CSMD1: variants seen among roughly 807,000 people sequenced by gnomAD.
CSMD1 encodes the protein CUB and Sushi multiple domains 1, also known as CUB and sushi domain-containing protein 1.
Under a neutral mutation model 417.5 loss-of-function variants are expected in CSMD1, and 213 were observed. The ratio of observed to expected loss-of-function variants is 0.51; its 90% CI spans 0.46 to 0.57. CSMD1 has a LOEUF of 0.57. Ranked by LOEUF, CSMD1 falls within the 20% of genes least tolerant of loss-of-function variation. The pLI is 0.00. For missense variants in CSMD1, 6,923 were observed against 4,529.7 expected, an observed-to-expected ratio of 1.53 and a Z score of -15.17; for synonymous variants, 2,862 against 1,736.8, an observed-to-expected ratio of 1.65 and a Z score of -16.11.
chr8:3,536,651 G>C (rs1443600350), intron 10 of CSMD1, among the ~76,000 whole-genome samples: 1 of 152,178 alleles, frequency 6.6e-6, no homozygotes, highest in South Asian at 2.1e-4. Context: ...CTACCATCTA[G>C]TGGCAGTGGT....
intron 2 of CSMD1, among the ~76,000 whole-genome samples, chr8:4,570,401 T>G (rs1798827791): frequency 6.6e-6 from 1 of 152,226 alleles, no homozygotes; most frequent in African/African-American, 2.4e-5. Context: ...ATCATGTGGC[T>G]TTTGTCACTG....
At chr8:3,442,923 G>T (rs959345005) in intron 12 of CSMD1, among the ~76,000 whole-genome samples, 4 of 152,024 alleles carry the variant, frequency 2.6e-5, no homozygotes, top group African/African-American at 9.7e-5. Flanking sequence ...TATTTTCTGA[G>T]TATGTGTAGA....
intron 7 of CSMD1, among the ~76,000 whole-genome samples, chr8:3,676,603 T>C (rs1799386657): frequency 6.6e-6 from 1 of 152,196 alleles, no homozygotes; most frequent in African/African-American, 2.4e-5. Context: ...AAACTTTTCC[T>C]AAGAAGGTTG....
At chr8:4,497,365 C>G (rs1802031095) in intron 2 of CSMD1, among the ~76,000 whole-genome samples, 1 of 152,114 alleles carries the variant, frequency 6.6e-6, no homozygotes, top group African/African-American at 2.4e-5. Flanking sequence ...CCTGGCACTA[C>G]AAAAAAATCA....
intron 27 of CSMD1, among the ~76,000 whole-genome samples, chr8:3,226,953 C>A (rs1402708725): frequency 6.6e-6 from 1 of 151,880 alleles, no homozygotes; most frequent in African/African-American, 2.4e-5. Context: ...AAAAGTTCGA[C>A]CTTATTATTA....
chr8:4,067,684 C>A (rs138718845), intron 3 of CSMD1, among the ~76,000 whole-genome samples: 134 of 152,216 alleles, frequency 8.8e-4, no homozygotes, highest in African/African-American at 3.0e-3. Flanking sequence ...CTAACTTGTC[C>A]TGTGGAATAT....
intron 15 of CSMD1, among the ~76,000 whole-genome samples, chr8:3,400,860 G>C (rs175094): frequency 0.023 from 3,457 of 151,028 alleles, 111 homozygotes; most frequent in South Asian, 0.13. Flanking sequence ...TTATACCTAT[G>C]CATTATTCTG....
chr8:3,308,645 G>T (rs1350146153), intron 23 of CSMD1, 142 bp from the exon 24 acceptor site: 2 of 608,410 alleles, frequency 3.3e-6, no homozygotes, highest in Admixed American at 2.8e-5. Flanking sequence ...AAGGGGAAAA[G>T]AAAGATGGGT....
chr8:4,972,615 T>C (rs934253809), intron 1 of CSMD1, among the ~76,000 whole-genome samples: 6 of 152,152 alleles, frequency 3.9e-5, no homozygotes, highest in African/African-American at 1.4e-4. Context: ...CAGTTCTTTA[T>C]AGCAGTATGA....
chr8:4,005,072 G>A (rs367633534), intron 4 of CSMD1, among the ~76,000 whole-genome samples: 27 of 152,142 alleles, frequency 1.8e-4, no homozygotes, highest in African/African-American at 6.3e-4. Flanking sequence ...TCACTGATGT[G>A]TGGGAGCCAA....
chr8:4,850,386 T>A (rs1316089716), intron 1 of CSMD1, among the ~76,000 whole-genome samples: 4 of 147,328 alleles, frequency 2.7e-5, no homozygotes, highest in Non-Finnish European at 6.0e-5. Context: ...ATTTATCTTT[T>A]TTTTTTTTTT....
At chr8:3,590,987 C>G (rs574507218) in intron 8 of CSMD1, among the ~76,000 whole-genome samples, 127 of 152,234 alleles carry the variant, frequency 8.3e-4, no homozygotes, top group African/African-American at 2.9e-3. Flanking sequence ...ATCAGATAAT[C>G]TAACTTGGTT....
At chr8:4,165,190 T>A (rs182840557) in intron 3 of CSMD1, among the ~76,000 whole-genome samples, 23 of 152,278 alleles carry the variant, frequency 1.5e-4, no homozygotes, top group African/African-American at 5.5e-4. Flanking sequence ...CCAGTAACTA[T>A]CAGCAACCCA....
In CSMD1 at chr8:4,923,527, C is replaced by CATAT. The variant is rs35731563; in HGVS notation, c.85+70801_85+70804dup. Among the ~76,000 whole-genome samples the CATAT allele has an allele frequency of 3.9e-3, 593 of 151,302 alleles. 1 individual carries two copies. Among genetic ancestry groups the CATAT allele is most frequent in the Non-Finnish European group, 5.4e-3 (368 of 67,782 alleles). On this transcript the variant is annotated intron_variant, in intron 1 of 69. Transcript: ENST00000635120. ...ATATAAATAAACACACATATATATTCATATATATATATACTATGTGCCCAC... is the reference window on the plus strand; with the variant it reads ...ATATAAATAAACACACATATATATTCATATATATATATATATACTATGTGCCCAC...
intron 3 of CSMD1, among the ~76,000 whole-genome samples, chr8:4,309,384 A>G (rs1202540273): frequency 2.0e-5 from 3 of 152,140 alleles, no homozygotes; most frequent in South Asian, 4.1e-4. Flanking sequence ...AGTCCCTTAG[A>G]GAAGACCCTC....
chr8:4,020,178 G>T (rs1263342388), intron 4 of CSMD1, among the ~76,000 whole-genome samples: 1 of 152,204 alleles, frequency 6.6e-6, no homozygotes, highest in African/African-American at 2.4e-5. Flanking sequence ...GATTTCTCAA[G>T]TAGGCACTTT....
chr8:3,665,009 A>T (rs1798609895), intron 7 of CSMD1, among the ~76,000 whole-genome samples: 1 of 152,054 alleles, frequency 6.6e-6, no homozygotes, highest in Non-Finnish European at 1.5e-5. Flanking sequence ...ATATATTATT[A>T]ATGTAAAATA....
chr8:4,045,864 T>C (rs1359548715), intron 3 of CSMD1, among the ~76,000 whole-genome samples: 2 of 150,514 alleles, frequency 1.3e-5, no homozygotes, highest in African/African-American at 4.9e-5. Flanking sequence ...ACTGCATTAT[T>C]TTTTTTTTAA....
chr8:2,939,851 C>T (rs998129024), intron 69 of CSMD1, among the ~76,000 whole-genome samples: 2 of 152,202 alleles, frequency 1.3e-5, no homozygotes, highest in Non-Finnish European at 1.5e-5. Flanking sequence ...TCCAGCCCCT[C>T]GTCAATGAAG....
Sources: gnomAD v4.1 joint callset for allele counts (sites outside exome capture counted in the v4.1 genomes callset) on GRCh38, gnomAD v4.1.1 for gene constraint, MANE v1.5 for transcripts, NCBI Gene and HGNC (gene_info 2026-07-23, HGNC 2026-07-21) for gene names.